MORC4: variants seen among roughly 807,000 people sequenced by gnomAD.
MORC4 encodes MORC family CW-type zinc finger protein 4.
Under a neutral mutation model 65.5 loss-of-function variants are expected in MORC4, and 22 were observed. That is an observed-to-expected ratio of 0.34 (90% CI 0.24 to 0.48). The LOEUF (loss-of-function observed/expected upper bound fraction) is 0.48. MORC4 is among the 20% of genes least tolerant of loss of function. MORC4 has a pLI of 0.99. For missense variants in MORC4, 624 were observed against 703.0 expected, an observed-to-expected ratio of 0.89 and a Z score of 1.27; for synonymous variants, 267 against 255.8, an observed-to-expected ratio of 1.04 and a Z score of -0.42.
At chrX:106,948,076 T>A (rs957223121) in intron 14 of MORC4, among the ~76,000 whole-genome samples, 1 of 111,573 alleles carries the variant, frequency 9.0e-6, no homozygotes, top group African/African-American at 3.3e-5. Flanking sequence ...CCCATCTTTA[T>A]TTTTCCTCTT....
rs777721306 is a variant in MORC4, at chrX:106,963,266, TACA to T, written c.1158-1159_1158-1157del. On this transcript the variant is annotated intron_variant, in intron 9 of 16. Transcript: ENST00000355610. ...CATGTGGAAGCTGTCTCCTTACATA[TACA>T]ACAACTGCAGTAGCAAAAGCTGCAT... Among the ~76,000 whole-genome samples the T allele has an allele frequency of 5.3e-5, 6 of 112,230 alleles. No homozygotes were observed. In the East Asian group the frequency reaches 1.4e-3, roughly 26 times the overall value.
At chrX:106,968,477 A>G (rs1171548885) in intron 9 of MORC4, among the ~76,000 whole-genome samples, 1 of 109,765 alleles carries the variant, frequency 9.1e-6, no homozygotes, top group Non-Finnish European at 1.9e-5. Flanking sequence ...TATTAACCTT[A>G]AATGTAAATG....
intron 9 of MORC4, among the ~76,000 whole-genome samples, chrX:106,967,091 G>C (rs764479090): frequency 9.0e-6 from 1 of 111,411 alleles, no homozygotes; most frequent in East Asian, 2.9e-4. Flanking sequence ...GTGCCCCTCT[G>C]GGACAAAGCT....
intron 14 of MORC4, among the ~76,000 whole-genome samples, chrX:106,945,330 T>C (rs1197361257): frequency 9.1e-6 from 1 of 110,023 alleles, no homozygotes; most frequent in Non-Finnish European, 1.9e-5. Context: ...TACCCAACAC[T>C]GCATGCATAA....
In MORC4 at chrX:106,981,345, C is replaced by T. The variant is rs1934736783; in HGVS notation, c.807G>A (p.Arg269=). The change falls in exon 6 of 17, where the codon AGG becomes AGA. Residue 269 remains arginine, a splice_region_variant and synonymous_variant. Transcript: ENST00000355610. ...TTGTTGAAAAACCATTCTTACTTAC[C>T]CTTAAAGAATATTCTGTTTCTGGTA... ...SELPETEYSL[R]AFCGILYMKP... 1 of 1,193,289 alleles carries T rather than the reference C, an allele frequency of 8.4e-7. No homozygotes were observed. The highest frequency in any genetic ancestry group is 3.0e-5 in the East Asian group (1 of 33,591).
At chrX:106,949,678 G>A (rs886335548) in intron 14 of MORC4, among the ~76,000 whole-genome samples, 4 of 112,429 alleles carry the variant, frequency 3.6e-5, no homozygotes. Context: ...TGGCAACCTA[G>A]TTCATACCTG....
intron 2 of MORC4, among the ~76,000 whole-genome samples, chrX:106,999,277 C>T (rs1175140838): frequency 9.0e-6 from 1 of 111,331 alleles, no homozygotes; most frequent in East Asian, 2.8e-4. Context: ...CCCCAGGACC[C>T]GCCTCGGTCC....
At chrX:106,991,096 C>T (rs1272474624) in intron 3 of MORC4, among the ~76,000 whole-genome samples, 1 of 111,141 alleles carries the variant, frequency 9.0e-6, no homozygotes, top group Admixed American at 9.5e-5. Context: ...AAAGTTTCTA[C>T]CTATTTTGCT....
intron 16 of MORC4, 135 bp downstream of exon 16, chrX:106,941,803 C>T: frequency 3.5e-6 from 3 of 845,087 alleles, no homozygotes; most frequent in Non-Finnish European, 5.0e-6. Flanking sequence ...CTGCAGCTTT[C>T]TAAGAAGTAA....
At chrX:106,956,668 G>C in intron 12 of MORC4, 134 bp from the exon 13 acceptor site, 1 of 578,356 alleles carries the variant, frequency 1.7e-6, no homozygotes, top group Non-Finnish European at 2.8e-6. Flanking sequence ...GTAACTGAGG[G>C]TGCCTTTCTG....
intron 5 of MORC4, among the ~76,000 whole-genome samples, chrX:106,981,754 T>C (rs1569306145): frequency 9.0e-6 from 1 of 111,661 alleles, no homozygotes; most frequent in Non-Finnish European, 1.9e-5. Context: ...ATCTGATAAA[T>C]CAAATGGATG....
chrX:106,997,067 T>C (rs747761093), intron 2 of MORC4, among the ~76,000 whole-genome samples: 1 of 112,029 alleles, frequency 8.9e-6, no homozygotes, highest in Non-Finnish European at 1.9e-5. Context: ...CCTACATAAA[T>C]CCTAGAGGTA....
At chrX:106,996,615 G>A (rs1047541521) in intron 2 of MORC4, among the ~76,000 whole-genome samples, 1 of 110,852 alleles carries the variant, frequency 9.0e-6, no homozygotes, top group Non-Finnish European at 1.9e-5. Context: ...CCCTAACCCG[G>A]CCCATCCAGC....
At chrX:106,952,255 A>G (rs766190864) in intron 14 of MORC4, among the ~76,000 whole-genome samples, 27 of 111,581 alleles carry the variant, frequency 2.4e-4, no homozygotes, top group African/African-American at 7.5e-4. Flanking sequence ...GTATCCTTAC[A>G]CAAACCCAGA....
At chrX:106,952,507 T>C (rs150038638) in intron 14 of MORC4, among the ~76,000 whole-genome samples, 138 of 112,609 alleles carry the variant, frequency 1.2e-3, no homozygotes, top group African/African-American at 4.0e-3. Flanking sequence ...ATTATACATG[T>C]AGGATGAACA....
chrX:106,976,390 C>T (rs1260390250), intron 9 of MORC4, among the ~76,000 whole-genome samples, 194 bp downstream of exon 9: 2 of 111,839 alleles, frequency 1.8e-5, no homozygotes, highest in East Asian at 2.8e-4. Flanking sequence ...TTTATCTCAA[C>T]GAGACTCCAT....
chrX:106,946,420 CA>C (rs1214658033), intron 14 of MORC4, among the ~76,000 whole-genome samples: 2 of 112,420 alleles, frequency 1.8e-5, no homozygotes, highest in Non-Finnish European at 3.8e-5. Context: ...TCATTTAACA[CA>C]ATGTTTTCAA....
intron 3 of MORC4, among the ~76,000 whole-genome samples, chrX:106,987,936 T>C (rs1489997093): frequency 9.0e-6 from 1 of 111,165 alleles, no homozygotes; most frequent in African/African-American, 3.3e-5. Context: ...TACAGACTTA[T>C]AATAGTAAGA....
chrX:106,984,960 G>A, intron 5 of MORC4, 136 bp downstream of exon 5: 3 of 469,717 alleles, frequency 6.4e-6, no homozygotes, highest in Non-Finnish European at 3.3e-6. Flanking sequence ...CTTGAAGCCA[G>A]GTGTTCGAGA....
Sources: allele counts gnomAD v4.1 joint callset (sites outside exome capture counted in the v4.1 genomes callset), GRCh38; gene constraint gnomAD v4.1.1; transcripts MANE v1.5; gene names NCBI Gene and HGNC (gene_info 2026-07-23, HGNC 2026-07-21).